Variants in CERS5 observed in about 807,000 individuals in gnomAD.
CERS5 encodes LAG1 homolog, ceramide synthase 5.
Under a neutral mutation model 58.9 loss-of-function variants are expected in CERS5, and 37 were observed. The ratio of observed to expected loss-of-function variants is 0.63; its 90% CI spans 0.48 to 0.83. The LOEUF is 0.83. Among genes scored for constraint, CERS5 ranks in the 40% least tolerant of loss-of-function variants. The pLI, the probability that CERS5 is intolerant of heterozygous loss-of-function variation, is 0.00. For synonymous variants in CERS5, 147 were observed against 177.8 expected (o/e 0.83, Z 1.38); for missense variants, 398 against 489.3 (o/e 0.81, Z 1.76).
chr12:50,142,624 A>G (rs774791371), intron 3 of CERS5, among the ~76,000 whole-genome samples: 26 of 152,048 alleles, frequency 1.7e-4, no homozygotes, highest in Middle Eastern at 3.2e-3. Flanking sequence ...CAGACTCCCT[A>G]GCATTTTTCT....
intron 9 of CERS5, among the ~76,000 whole-genome samples, chr12:50,132,266 G>A (rs984198258): frequency 2.0e-5 from 3 of 152,016 alleles, no homozygotes; most frequent in African/African-American, 7.2e-5. Context: ...GCCAGGCGTG[G>A]TGGCGTATGC....
At chr12:50,154,111 T>C (rs1938304775) in intron 1 of CERS5, 2 of 258,452 alleles carry the variant, frequency 7.7e-6, no homozygotes, top group African/African-American at 2.3e-5. Flanking sequence ...TCCCAGCACT[T>C]TGGGAGGCCG....
intron 5 of CERS5, among the ~76,000 whole-genome samples, chr12:50,138,304 G>A (rs1244759176): frequency 2.0e-5 from 3 of 151,776 alleles, no homozygotes; most frequent in African/African-American, 7.3e-5. Flanking sequence ...GCCCAATTAG[G>A]GGGAATTAAA....
chr12:50,132,263 G>A (rs952707345), intron 9 of CERS5, among the ~76,000 whole-genome samples: 8 of 151,346 alleles, frequency 5.3e-5, no homozygotes, highest in Non-Finnish European at 1.0e-4. Context: ...TTAGCCAGGC[G>A]TGGTGGCGTA....
At position 50,143,975 on chromosome 12, in the gene CERS5, T is replaced by A; in HGVS notation, c.280A>T (p.Lys94Ter). The A allele has an allele frequency of 6.2e-7, 1 of 1,609,926 alleles. No homozygotes were observed. The highest frequency in any genetic ancestry group is 8.5e-7 in the Non-Finnish European group (1 of 1,176,236). Residue 94 changes from lysine (K) to a stop codon, truncating the protein, a stop_gained, in exon 2 of 10, where the codon AAG becomes TAG. Coordinates refer to ENST00000317551, the MANE Select transcript of CERS5 (RefSeq NM_147190.5). LOFTEE classifies it high-confidence loss of function. ...ACCTTGGTAATAGATATGAACACCT[T>A]TTCAAGGATGGCATTGGGTTGGGCC... ...YQAQPNAILEKVFISITKYPD... is the reference protein window; with the variant it reads ...YQAQPNAILE
rs1213345894 is a variant in CERS5 at position 50,130,708 on chromosome 12, G to A, written c.1030-14C>T. The A allele has an allele frequency of 1.3e-6, 2 of 1,564,130 alleles. No homozygotes were observed. Among genetic ancestry groups the A allele is most frequent in the East Asian group, 4.6e-5 (2 of 43,694 alleles). On this transcript the variant is annotated splice_polypyrimidine_tract_variant and intron_variant, in intron 9 of 9. Transcript: ENST00000317551. ...ATCCTTCGATACCTGGGTGGGATGAGACCAAAGACAGAAAAGTGAGGAAAG... is the reference window on the plus strand; with the variant it reads ...ATCCTTCGATACCTGGGTGGGATGAAACCAAAGACAGAAAAGTGAGGAAAG...
At chr12:50,139,585 G>A (rs550730628) in intron 4 of CERS5, among the ~76,000 whole-genome samples, 1 of 152,236 alleles carries the variant, frequency 6.6e-6, no homozygotes, top group South Asian at 2.1e-4. Flanking sequence ...CCTGAGGTTA[G>A]GAGTTCAAGA....
chr12:50,167,146 A>C lies in CERS5; in HGVS notation c.152T>G (p.Phe51Cys). The change falls in exon 1 of 10, where the codon TTC (phenylalanine) becomes TGC (cysteine). Residue 51 changes from phenylalanine to cysteine, a missense_variant. By Grantham distance (205) the Phe-to-Cys change is radical. Coordinates refer to ENST00000317551, the MANE Select transcript of CERS5 (RefSeq NM_147190.5). ...GAAGAAGATGCCCGCCGCCAGCGGG[A>C]ACACCGAGAGGATGTGCCGGCCGCG... ...YPRGRHILSV[F>C]PLAAGIFFVR... The C allele has an allele frequency of 6.3e-7, 1 of 1,589,638 alleles. No individual in the cohort carries two copies. Among genetic ancestry groups the C allele is most frequent in the Non-Finnish European group, 8.5e-7 (1 of 1,171,762 alleles).
chr12:50,137,387 C>T (rs1370840169), intron 6 of CERS5, among the ~76,000 whole-genome samples: 1 of 152,114 alleles, frequency 6.6e-6, no homozygotes, highest in Non-Finnish European at 1.5e-5. Context: ...TCCAGCTTTT[C>T]TGGAATCAGA....
chr12:50,136,857 A>G (rs1951722540), intron 6 of CERS5, among the ~76,000 whole-genome samples: 1 of 152,226 alleles, frequency 6.6e-6, no homozygotes, highest in Non-Finnish European at 1.5e-5. Context: ...TCTATTAAAT[A>G]CTTCTCAGTT....
intron 1 of CERS5, chr12:50,144,815 C>A: frequency 6.6e-7 from 1 of 1,524,186 alleles, no homozygotes; most frequent in Non-Finnish European, 8.8e-7. Flanking sequence ...TTATATCAAG[C>A]AGAGTCCCAA....
At chr12:50,133,831 C>T (rs1434411240) in intron 9 of CERS5, 14 of 917,292 alleles carry the variant, frequency 1.5e-5, no homozygotes, top group Admixed American at 6.2e-5. Flanking sequence ...CCCAGCACTT[C>T]GGGAGGCCAA....
At chr12:50,149,669 C>T (rs375490412) in intron 1 of CERS5, among the ~76,000 whole-genome samples, 10 of 152,140 alleles carry the variant, frequency 6.6e-5, no homozygotes, top group African/African-American at 2.2e-4. Context: ...ATGGGGCCTT[C>T]GGGTAGCCAG....
At chr12:50,143,244 A>G (rs1288073270) in intron 2 of CERS5, 40 bp from the exon 3 acceptor site, 1 of 1,611,324 alleles carries the variant, frequency 6.2e-7, no homozygotes, top group East Asian at 2.2e-5. Flanking sequence ...CCGTCTCCTC[A>G]TACCCCTCCT....
Position 50,138,582 on chromosome 12 carries a change from A to G in CERS5, c.528T>C (p.His176=), listed in dbSNP as rs759798830. Residue 176 remains histidine (H), a synonymous_variant, in exon 5 of 10, where the codon CAT becomes CAC. Coordinates refer to ENST00000317551, the MANE Select transcript of CERS5 (RefSeq NM_147190.5). ...PWFWDIRQCW[H]NYPFQPLSSG... is the part of the protein sequence containing the mutation. The stretch of plus-strand genomic sequence containing the variant: ...CAGATCCTACCTGAAATGGATAGTT[A>G]TGCCAGCACTGTCGGATGTCCCAGA... 6.2e-7 allele frequency: 1 copy of G among 1,613,860 alleles called. No homozygotes were observed. Among genetic ancestry groups the G allele is most frequent in the East Asian group, 2.2e-5 (1 of 44,874 alleles).
chr12:50,139,121 C>CT lies in CERS5; in HGVS notation c.493-505dup, dbSNP rs1951837107. Among the ~76,000 whole-genome samples the CT allele has an allele frequency of 3.9e-5, 6 of 152,064 alleles. No homozygotes were observed. The South Asian group carries it at 1.2e-3, about 32-fold the overall frequency. On this transcript the variant is annotated intron_variant, in intron 4 of 9. Transcript: ENST00000317551. Reference sequence around the variant, plus strand: ...TTTCCATATTGATAATTCATATTTCCTTTTTTTGTTGGAGTTGGTCAATTT... The same window carrying CT: ...TTTCCATATTGATAATTCATATTTCCTTTTTTTTGTTGGAGTTGGTCAATTT...
chr12:50,137,025 TG>T (rs1951730064), intron 6 of CERS5, among the ~76,000 whole-genome samples: 1 of 152,176 alleles, frequency 6.6e-6, no homozygotes, highest in Non-Finnish European at 1.5e-5. Flanking sequence ...ACTAACAACC[TG>T]GGTAAGTTTT....
intron 9 of CERS5, chr12:50,133,627 T>C (rs760866106): frequency 2.9e-5 from 29 of 985,360 alleles, no homozygotes; most frequent in Non-Finnish European, 3.1e-5. Context: ...AAGAAAAATA[T>C]GAAATCCACT....
At chr12:50,161,791 A>AAAAAAAAAAAAAAAAAAAAAAAAAAC in intron 1 of CERS5, among the ~76,000 whole-genome samples, 1 of 150,176 alleles carries the variant, frequency 6.7e-6, no homozygotes, top group African/African-American at 2.4e-5. Context: ...AAAGAAAAAA[A>AAAAAAAAAAAAAAAAAAAAAAAAAAC]AAAAAAAAAG....
Sources: allele counts gnomAD v4.1 joint callset (sites outside exome capture counted in the v4.1 genomes callset), GRCh38; gene constraint gnomAD v4.1.1; transcripts MANE v1.5; gene names NCBI Gene and HGNC (gene_info 2026-07-23, HGNC 2026-07-21).